The following AGBL4 variants were observed in gnomAD, a reference collection of about 807,000 sequenced individuals.
The protein encoded by AGBL4 is AGBL carboxypeptidase 4.
A neutral mutation model predicts 66.4 loss-of-function variants in AGBL4; 58 were observed. The ratio of observed to expected loss-of-function variants is 0.87; its 90% CI spans 0.71 to 1.09. The LOEUF is 1.09. Among genes scored for constraint, AGBL4 ranks in the 50% least tolerant of loss-of-function variants. AGBL4 has a pLI of 0.00. For missense variants in AGBL4, 579 were observed against 631.0 expected, an observed-to-expected ratio of 0.92 and a Z score of 0.88; for synonymous variants, 234 against 222.9, an observed-to-expected ratio of 1.05 and a Z score of -0.44.
chr1:48,864,132 A>G (rs933083398), intron 6 of AGBL4, among the ~76,000 whole-genome samples: 1 of 152,162 alleles, frequency 6.6e-6, no homozygotes, highest in Admixed American at 6.5e-5. Context: ...GATAAAGGAT[A>G]TGAAAAATCA....
chr1:49,812,952 A>G (rs1645134601), intron 2 of AGBL4, among the ~76,000 whole-genome samples: 1 of 152,166 alleles, frequency 6.6e-6, no homozygotes, highest in Non-Finnish European at 1.5e-5. Flanking sequence ...CAGATGAAAG[A>G]TATGGGAAAG....
At chr1:49,074,555 G>A (rs917593308) in intron 4 of AGBL4, among the ~76,000 whole-genome samples, 1 of 152,018 alleles carries the variant, frequency 6.6e-6, no homozygotes, top group East Asian at 1.9e-4. Flanking sequence ...TCTTTGTGTT[G>A]GGCCCATGCT....
chr1:49,425,704 T>C (rs1163960289), intron 3 of AGBL4, among the ~76,000 whole-genome samples: 1 of 152,186 alleles, frequency 6.6e-6, no homozygotes, highest in African/African-American at 2.4e-5. Context: ...CTGGCTCAAC[T>C]TAGCTATAGC....
intron 6 of AGBL4, among the ~76,000 whole-genome samples, chr1:48,676,633 G>A (rs1034621749): frequency 2.6e-5 from 4 of 152,222 alleles, no homozygotes; most frequent in African/African-American, 7.2e-5. Context: ...TGCGTCTGCA[G>A]AGGGGAATGC....
At chr1:49,340,428 C>A (rs1406188800) in intron 3 of AGBL4, among the ~76,000 whole-genome samples, 1 of 152,052 alleles carries the variant, frequency 6.6e-6, no homozygotes, top group African/African-American at 2.4e-5. Flanking sequence ...AAAGCCAAAT[C>A]CTATCAAGAC....
chr1:49,380,575 C>T lies in AGBL4; in HGVS notation c.283-134711G>A, dbSNP rs374715766. 4.0e-4 allele frequency among the ~76,000 whole-genome samples: 61 copies of T among 152,154 alleles called. 1 individual carries two copies. The South Asian group carries it at 9.7e-3, about 24-fold the overall frequency. On this transcript the variant is annotated intron_variant, in intron 3 of 13. Transcript: ENST00000371839. Reference sequence around the variant, plus strand: ...CAAAAGAACAAAGCTGGAGGCATCACGCTACCTGACTTCAAACTATACTAC... The same window carrying T: ...CAAAAGAACAAAGCTGGAGGCATCATGCTACCTGACTTCAAACTATACTAC...
chr1:49,108,237 C>G (rs1003229180), intron 4 of AGBL4, among the ~76,000 whole-genome samples: 1 of 152,170 alleles, frequency 6.6e-6, no homozygotes, highest in Non-Finnish European at 1.5e-5. Flanking sequence ...CATGTATCCA[C>G]TCATTCAACA....
chr1:48,524,139 A>G, the AGBL4 span, among the ~76,000 whole-genome samples: 1 of 152,164 alleles, frequency 6.6e-6, no homozygotes, highest in Admixed American at 6.6e-5. Context: ...ATTTTAGAGC[A>G]GGCCCTCAGT....
rs1306655828 is a variant in AGBL4 at position 48,581,194 on chromosome 1, T to TG, written c.1267+5809dup. ...CTAGTGTCTAATGTGTTTGGTTGGA[T>TG]GGATGAGTAAATAAACGATAGCTTC... On this transcript the variant is annotated intron_variant, in intron 11 of 13. Coordinates refer to ENST00000371839, the MANE Select transcript of AGBL4 (RefSeq NM_032785.4). Among the ~76,000 whole-genome samples the TG allele has an allele frequency of 2.0e-4, 30 of 152,200 alleles. 2 individuals are homozygous for TG. The highest frequency in any genetic ancestry group is 2.0e-3 in the Admixed American group (30 of 15,272).
chr1:48,695,679 G>A (rs940759650), intron 6 of AGBL4, among the ~76,000 whole-genome samples: 1 of 152,140 alleles, frequency 6.6e-6, no homozygotes, highest in Non-Finnish European at 1.5e-5. Context: ...TGCTGGAATG[G>A]GAGTTTGAAC....
chr1:49,314,929 G>T (rs543752870), intron 3 of AGBL4, among the ~76,000 whole-genome samples: 193 of 152,174 alleles, frequency 1.3e-3, no homozygotes, highest in African/African-American at 4.4e-3. Flanking sequence ...CATTCTAACT[G>T]CTGTGAGATG....
At chr1:49,651,979 G>A (rs1442662106) in intron 3 of AGBL4, among the ~76,000 whole-genome samples, 1 of 151,980 alleles carries the variant, frequency 6.6e-6, no homozygotes, top group Non-Finnish European at 1.5e-5. Flanking sequence ...AACAATTCAG[G>A]ATGTGAAAGA....
intron 6 of AGBL4, among the ~76,000 whole-genome samples, chr1:48,679,092 T>A (rs1306215001): frequency 6.6e-6 from 1 of 152,126 alleles, no homozygotes; most frequent in African/African-American, 2.4e-5. Flanking sequence ...AAGCACGGGG[T>A]ACTGGGGAGC....
At chr1:49,517,042 G>A (rs1490465166) in intron 3 of AGBL4, among the ~76,000 whole-genome samples, 2 of 151,884 alleles carry the variant, frequency 1.3e-5, no homozygotes, top group Non-Finnish European at 2.9e-5. Flanking sequence ...ATGGTGCATG[G>A]ACACCTAATC....
intron 3 of AGBL4, among the ~76,000 whole-genome samples, chr1:49,398,878 T>G (rs1022133540): frequency 7.9e-5 from 12 of 152,188 alleles, no homozygotes; most frequent in African/African-American, 2.7e-4. Context: ...ATTTTTAAAA[T>G]GTACAGTTAT....
intron 1 of AGBL4, among the ~76,000 whole-genome samples, chr1:49,933,701 T>A (rs1320934860): frequency 6.6e-6 from 1 of 152,048 alleles, no homozygotes; most frequent in Non-Finnish European, 1.5e-5. Flanking sequence ...TAAGTTGTTA[T>A]CAGCTAAAAA....
intron 3 of AGBL4, among the ~76,000 whole-genome samples, chr1:49,404,735 A>G (rs1645160098): frequency 6.6e-6 from 1 of 152,240 alleles, no homozygotes; most frequent in South Asian, 2.1e-4. Flanking sequence ...TATGATTTTA[A>G]TAATTTTTGT....
chr1:49,509,745 C>T (rs189816449), intron 3 of AGBL4, among the ~76,000 whole-genome samples: 5 of 152,062 alleles, frequency 3.3e-5, no homozygotes, highest in African/African-American at 1.2e-4. Context: ...ACCTTTATGG[C>T]CTTGGAGCAA....
intron 1 of AGBL4, among the ~76,000 whole-genome samples, chr1:49,877,391 G>A (rs1282994444): frequency 1.3e-5 from 2 of 151,936 alleles, no homozygotes; most frequent in Non-Finnish European, 2.9e-5. Flanking sequence ...TCTGTCAAAG[G>A]CTTTTTCTGC....
Sources: gnomAD v4.1 joint callset for allele counts (sites outside exome capture counted in the v4.1 genomes callset) on GRCh38, gnomAD v4.1.1 for gene constraint, MANE v1.5 for transcripts, NCBI Gene and HGNC (gene_info 2026-07-23, HGNC 2026-07-21) for gene names.